The following CDH17 variants were observed in gnomAD, a reference collection of about 807,000 sequenced individuals.
The protein encoded by CDH17 is cadherin 17.
CDH17 carries 67 observed loss-of-function variants against 86.3 expected under a neutral mutation model. The observed-to-expected ratio is 0.78, with a 90% CI of 0.64 to 0.95. CDH17 has a LOEUF of 0.95. Among genes scored for constraint, CDH17 ranks in the 40% least tolerant of loss-of-function variants. The probability of loss-of-function intolerance (pLI) is 0.00; values close to 1 mark genes in which losing one functional copy is unlikely to be tolerated. For missense variants in CDH17, 993 were observed against 1,017.6 expected, an observed-to-expected ratio of 0.98 and a Z score of 0.33; for synonymous variants, 367 against 366.4, an observed-to-expected ratio of 1.00 and a Z score of -0.02.
intron 15 of CDH17, among the ~76,000 whole-genome samples, chr8:94,133,736 G>A (rs189515670): frequency 1.2e-4 from 19 of 152,202 alleles, no homozygotes; most frequent in East Asian, 5.8e-4. Flanking sequence ...GTCTTCTGCC[G>A]GTTTTCAAAG....
At chr8:94,206,764 C>G (rs1814035218) in intron 1 of CDH17, among the ~76,000 whole-genome samples, 2 of 151,794 alleles carry the variant, frequency 1.3e-5, no homozygotes, top group South Asian at 4.2e-4. Flanking sequence ...ACCTCAGCCT[C>G]CCAAGTCGCT....
chr8:94,209,510 C>G (rs150998286), upstream of CDH17, among the ~76,000 whole-genome samples: 1 of 152,302 alleles, frequency 6.6e-6, no homozygotes, highest in African/African-American at 2.4e-5. Flanking sequence ...GGGCTCCCTC[C>G]TTTCCAGATT....
chr8:94,173,762 G>C (rs371921843), intron 7 of CDH17, 35 bp downstream of exon 7: 16 of 1,511,158 alleles, frequency 1.1e-5, no homozygotes, highest in Middle Eastern at 1.8e-4. Context: ...CATTTATCTA[G>C]TTGGCTCTCA....
Position 94,130,912 on chromosome 8 carries a change from C to A in CDH17, c.2248G>T (p.Gly750Cys), listed in dbSNP as rs767800258. The A allele has an allele frequency of 6.2e-7, 1 of 1,611,076 alleles. No homozygotes were observed. The highest frequency in any genetic ancestry group is 1.1e-5 in the South Asian group (1 of 91,006). The change falls in exon 16 of 18, where the codon GGT (glycine) becomes TGT (cysteine). Residue 750 changes from glycine (G) to cysteine (C), a missense_variant. By Grantham distance (159) the Gly-to-Cys change is radical. Coordinates refer to ENST00000027335, the MANE Select transcript of CDH17 (RefSeq NM_004063.4). ...ACAATGCCTTCCAAGGGTGGCCGAC[C>A]CCCATCATTGATGCGGATCAAGACG... ...YVVLIRINDG[G>C]RPPLEGIVSL...
At chr8:94,166,128 C>G in intron 9 of CDH17, 152 bp from the exon 10 acceptor site, 1 of 620,366 alleles carries the variant, frequency 1.6e-6, no homozygotes, top group East Asian at 2.7e-5. Context: ...TTCTTCTCAT[C>G]CTATCATGTA....
At chr8:94,178,904 T>A (rs1181831651) in intron 3 of CDH17, among the ~76,000 whole-genome samples, 1 of 152,032 alleles carries the variant, frequency 6.6e-6, no homozygotes, top group East Asian at 1.9e-4. Context: ...GACCTGGACA[T>A]CAGTGAGAAA....
rs534665066 is a variant in CDH17 at position 94,188,316 on chromosome 8, T to C, written c.150+871A>G. ...TATTGTTTTTCCCAAATATATTTGA[T>C]TCTTTGTTGGTTGAATTTGCTGATG... On this transcript the variant is annotated intron_variant, in intron 3 of 17. Coordinates refer to ENST00000027335, the MANE Select transcript of CDH17 (RefSeq NM_004063.4). Among the ~76,000 whole-genome samples the C allele has an allele frequency of 1.8e-3, 275 of 152,354 alleles. No homozygotes were observed. In the Middle Eastern group the frequency reaches 0.02, roughly 11 times the overall value.
chr8:94,157,621 A>G (rs961937976), intron 12 of CDH17, among the ~76,000 whole-genome samples: 1 of 152,206 alleles, frequency 6.6e-6, no homozygotes, highest in Non-Finnish European at 1.5e-5. Context: ...GGTGTCCAAG[A>G]TATGCACTTT....
chr8:94,191,517 T>A (rs1813689996), intron 2 of CDH17, among the ~76,000 whole-genome samples: 1 of 150,626 alleles, frequency 6.6e-6, no homozygotes, highest in East Asian at 2.0e-4. Flanking sequence ...AGTGGCACGA[T>A]CTTGGCTCCC....
intron 15 of CDH17, among the ~76,000 whole-genome samples, chr8:94,136,984 A>G (rs2130575680): frequency 6.6e-6 from 1 of 152,312 alleles, no homozygotes; most frequent in East Asian, 1.9e-4. Flanking sequence ...AGAACAGCAA[A>G]TATTGCTGCC....
chr8:94,130,848 C>A, intron 16 of CDH17, 28 bp downstream of exon 16: 1 of 1,521,050 alleles, frequency 6.6e-7, no homozygotes, highest in South Asian at 1.1e-5. Flanking sequence ...CAGATACTAG[C>A]CTGAGTTGCC....
At chr8:94,195,132 G>T (rs569427446) in intron 1 of CDH17, among the ~76,000 whole-genome samples, 2 of 152,232 alleles carry the variant, frequency 1.3e-5, no homozygotes, top group African/African-American at 4.8e-5. Flanking sequence ...TTCCCAAGTA[G>T]CTGGGATTAC....
chr8:94,201,030 A>T (rs111594860), intron 1 of CDH17, among the ~76,000 whole-genome samples: 122 of 152,250 alleles, frequency 8.0e-4, no homozygotes, highest in African/African-American at 2.7e-3. Context: ...CTGAAACACA[A>T]ATATCCTGAT....
At chr8:94,166,253 C>A (rs1453765093) in intron 9 of CDH17, among the ~76,000 whole-genome samples, 1 of 152,100 alleles carries the variant, frequency 6.6e-6, no homozygotes, top group Admixed American at 6.6e-5. Flanking sequence ...CAAGGTGTTG[C>A]TGGGGTTGGT....
intron 10 of CDH17, among the ~76,000 whole-genome samples, 172 bp downstream of exon 10, chr8:94,165,589 G>A (rs141226405): frequency 3.9e-4 from 59 of 152,250 alleles, no homozygotes; most frequent in Admixed American, 5.9e-4. Context: ...CTGCAGCTCC[G>A]GCCTTTACAG....
chr8:94,136,411 TTTCTTCCACTTGA>T (rs1457912330), intron 15 of CDH17, among the ~76,000 whole-genome samples: 2 of 152,220 alleles, frequency 1.3e-5, no homozygotes, highest in East Asian at 3.8e-4. Flanking sequence ...ACTGATACAC[TTTCTTCCACTTGA>T]TTGAATCAGC....
chr8:94,213,122 A>G (rs1401310721), upstream of CDH17, among the ~76,000 whole-genome samples: 2 of 152,208 alleles, frequency 1.3e-5, no homozygotes, highest in African/African-American at 4.8e-5. Flanking sequence ...GACTACAGGC[A>G]AGTGCCACCA....
At chr8:94,168,746 T>A (rs1813214281) in intron 9 of CDH17, among the ~76,000 whole-genome samples, 1 of 152,150 alleles carries the variant, frequency 6.6e-6, no homozygotes, top group Non-Finnish European at 1.5e-5. Flanking sequence ...TCTTCCCAGA[T>A]GAGGTAGGCG....
chr8:94,210,094 T>C (rs146824084), upstream of CDH17, among the ~76,000 whole-genome samples: 1,240 of 151,910 alleles, frequency 8.2e-3, 16 homozygotes, highest in African/African-American at 0.028. Context: ...ACAGAGAGGT[T>C]TTATTTCTTG....
Sources: gnomAD v4.1 joint callset for allele counts (sites outside exome capture counted in the v4.1 genomes callset) on GRCh38, gnomAD v4.1.1 for gene constraint, MANE v1.5 for transcripts, NCBI Gene and HGNC (gene_info 2026-07-23, HGNC 2026-07-21) for gene names.